The following RYR1 variants were observed in gnomAD, a reference collection of about 807,000 sequenced individuals.
RYR1 encodes the protein ryanodine receptor 1, also known as central core disease of muscle.
In RYR1, 342 loss-of-function variants were observed where a neutral mutation model predicts 583.5. The observed-to-expected ratio is 0.59, with a 90% CI of 0.54 to 0.64. The LOEUF (loss-of-function observed/expected upper bound fraction) is 0.64, where lower values mean the gene tolerates loss of function less well. Among genes scored for constraint, RYR1 ranks in the 30% least tolerant of loss-of-function variants. RYR1 has a pLI of 0.00. For missense variants in RYR1, 6,032 were observed against 6,917.2 expected, an observed-to-expected ratio of 0.87 and a Z score of 4.54; for synonymous variants, 2,791 against 2,822.5, an observed-to-expected ratio of 0.99 and a Z score of 0.35.
intron 99 of RYR1, among the ~76,000 whole-genome samples, 196 bp downstream of exon 99, chr19:38,578,400 T>A (rs188183562): frequency 1.4e-3 from 208 of 152,248 alleles, no homozygotes; most frequent in Admixed American, 2.9e-3. Flanking sequence ...TATTTTTTTT[T>A]AAATAGCTGG....
At position 38,446,519 on chromosome 19, in the gene RYR1, G is replaced by T; in HGVS notation, c.679G>T (p.Asp227Tyr). The T allele has an allele frequency of 6.2e-7, 1 of 1,614,200 alleles. No individual in the cohort carries two copies. The highest frequency in any genetic ancestry group is 8.5e-7 in the Non-Finnish European group (1 of 1,180,040). The change falls in exon 8 of 106, where the codon GAT becomes TAT. Residue 227 changes from aspartate to tyrosine, a missense_variant. By Grantham distance (160) the Asp-to-Tyr change is radical. Around this residue, in one of 11 missense-constraint regions of RYR1, gnomAD observed 338 missense variants for 441.6 expected, o/e 0.77. Coordinates refer to ENST00000359596, the MANE Select transcript of RYR1 (RefSeq NM_000540.3). ...HVLRLFHGHM[D>Y]ECLTISPADS... Reference sequence around the variant, plus strand: ...CCTCCGCCTCTTTCATGGACATATGGATGAGTGTCTGACCATTTCCCCTGC... The same window carrying T: ...CCTCCGCCTCTTTCATGGACATATGTATGAGTGTCTGACCATTTCCCCTGC...
chr19:38,508,923 G>T (rs1197417584), intron 58 of RYR1, among the ~76,000 whole-genome samples: 3 of 152,194 alleles, frequency 2.0e-5, no homozygotes, highest in Admixed American at 6.5e-5. Context: ...GCCGAAAAGG[G>T]TGAGAACTGG....
rs976984553 is a variant in RYR1 at position 38,478,248 on chromosome 19, G to C, written c.4455-187G>C. ...ATCCTGACTCCCCACTGCGCCAGCTGCTAGGAATCCCAGCTCCGAAGAGCT... is the reference window on the plus strand; with the variant it reads ...ATCCTGACTCCCCACTGCGCCAGCTCCTAGGAATCCCAGCTCCGAAGAGCT... On this transcript the variant is annotated intron_variant, in intron 30 of 105. Coordinates refer to ENST00000359596, the MANE Select transcript of RYR1 (RefSeq NM_000540.3). Among the ~76,000 whole-genome samples, 3 of 152,004 alleles carry C rather than the reference G, an allele frequency of 2.0e-5. No homozygotes were observed. The South Asian group carries it at 6.2e-4, about 31-fold the overall frequency.
intron 89 of RYR1, among the ~76,000 whole-genome samples, chr19:38,556,164 A>G (rs1972870426): frequency 6.6e-6 from 1 of 151,612 alleles, no homozygotes; most frequent in Non-Finnish European, 1.5e-5. Context: ...ATAATTTTAA[A>G]TTTTCTAATA....
chr19:38,568,131 C>T (rs1374523504), intron 93 of RYR1, among the ~76,000 whole-genome samples: 2 of 152,200 alleles, frequency 1.3e-5, no homozygotes, highest in Admixed American at 6.5e-5. Context: ...CTTCCCTGCT[C>T]ACTATCCTTA....
chr19:38,463,244 C>T (rs1600700994), intron 20 of RYR1, among the ~76,000 whole-genome samples, 179 bp from the exon 21 acceptor site: 1 of 149,500 alleles, frequency 6.7e-6, no homozygotes, highest in Non-Finnish European at 1.5e-5. Flanking sequence ...GCTAAGCCCT[C>T]ACCCATCTGA....
chr19:38,460,311 C>A, intron 19 of RYR1, 64 bp from the exon 20 acceptor site: 1 of 1,451,754 alleles, frequency 6.9e-7, no homozygotes, highest in Non-Finnish European at 9.7e-7. Context: ...CCATGTCCCC[C>A]ACTGACCACA....
chr19:38,493,070 A>G (rs1002183362), intron 38 of RYR1, among the ~76,000 whole-genome samples: 3 of 148,198 alleles, frequency 2.0e-5, no homozygotes, highest in African/African-American at 5.2e-5. Flanking sequence ...CTCTGTCTCA[A>G]AAAAAAAACA....
At position 38,448,637 on chromosome 19, in the gene RYR1, CT is replaced by C. The variant is rs537751969; in HGVS notation, c.958-11del. ...GGCAGAGGAGGCTGACCTGTGTCCC[CT>C]GCCCCTGTAGGAGAAGCTGGATGTG... is the stretch of plus-strand genomic sequence containing the variant. On this transcript the variant is annotated splice_polypyrimidine_tract_variant and intron_variant, in intron 10 of 105. Coordinates refer to ENST00000359596, the MANE Select transcript of RYR1 (RefSeq NM_000540.3). 1.2e-3 allele frequency: 1,936 copies of C among 1,614,236 alleles called. 31 individuals are homozygous for C. The highest frequency in any genetic ancestry group is 1.4e-4 in the Non-Finnish European group (169 of 1,180,040).
In RYR1 at chr19:38,490,157, G is replaced by C; in HGVS notation, c.5896G>C (p.Val1966Leu). The C allele has an allele frequency of 6.2e-7, 1 of 1,614,262 alleles. No homozygotes were observed. Among genetic ancestry groups the C allele is most frequent in the South Asian group, 1.1e-5 (1 of 91,092 alleles). Reference sequence around the variant, plus strand: ...CCTGGCAGCCTTTGCGGAGCGCTATGTGGACAAGCTCCAGGCCAACCAGCG... The same window carrying C: ...CCTGGCAGCCTTTGCGGAGCGCTATCTGGACAAGCTCCAGGCCAACCAGCG... ...ESLAAFAERYVDKLQANQRSR... is the reference protein window; with the variant it reads ...ESLAAFAERYLDKLQANQRSR... Residue 1966 changes from valine to leucine, a missense_variant, in exon 36 of 106, where the codon GTG (valine) becomes CTG (leucine). Physicochemically the swap from Val to Leu is conservative, Grantham distance 32. Around this residue, in one of 11 missense-constraint regions of RYR1, gnomAD observed 2,627 missense variants for 2,961.3 expected, o/e 0.89. Coordinates refer to ENST00000359596, the MANE Select transcript of RYR1 (RefSeq NM_000540.3).
At chr19:38,529,179 A>T in intron 76 of RYR1, 122 bp downstream of exon 76, 1 of 921,014 alleles carries the variant, frequency 1.1e-6, no homozygotes, top group Non-Finnish European at 1.8e-6. Flanking sequence ...AGACAGACGG[A>T]TCTTTAAATA....
intron 20 of RYR1, 136 bp downstream of exon 20, chr19:38,460,727 C>A (rs1425451213): frequency 1.2e-6 from 1 of 848,360 alleles, no homozygotes. Flanking sequence ...CCTGTAAGCC[C>A]AGCAATTTGG....
chr19:38,438,308 C>T (rs538007924), intron 1 of RYR1, among the ~76,000 whole-genome samples: 78 of 152,106 alleles, frequency 5.1e-4, no homozygotes, highest in Middle Eastern at 3.4e-3. Context: ...ACACCTATCA[C>T]TGACATTAAC....
intron 99 of RYR1, among the ~76,000 whole-genome samples, chr19:38,579,364 G>A (rs375074671): frequency 6.7e-6 from 1 of 149,948 alleles, no homozygotes; most frequent in Non-Finnish European, 1.5e-5. Flanking sequence ...GGCGGAGGTT[G>A]CAGTGAGCTG....
At chr19:38,582,052 A>G (rs1974238509) in intron 101 of RYR1, among the ~76,000 whole-genome samples, 1 of 152,088 alleles carries the variant, frequency 6.6e-6, no homozygotes, top group Non-Finnish European at 1.5e-5. Flanking sequence ...AGTGTGTAAT[A>G]GTAGTTGCTT....
rs374620604 is a variant in RYR1, at chr19:38,455,422, A to G, written c.1577-29A>G. 5.7e-5 allele frequency: 92 copies of G among 1,613,586 alleles called. No individual in the cohort carries two copies. In the African/African-American group the frequency reaches 7.3e-4, roughly 13 times the overall value. On this transcript the variant is annotated intron_variant, in intron 14 of 105. Transcript: ENST00000359596. ...GAGAACACCCCAGATCCCCAGTCCTATTGGATCTGACACCTCTTCCCCCCT... is the reference window on the plus strand; with the variant it reads ...GAGAACACCCCAGATCCCCAGTCCTGTTGGATCTGACACCTCTTCCCCCCT...
rs753048280 is a variant in RYR1, at chr19:38,532,533, A to AT, written c.11186dup (p.Met3729IlefsTer15). The AT allele has an allele frequency of 6.2e-7, 1 of 1,614,130 alleles. No individual in the cohort carries two copies. On this transcript the variant is annotated frameshift_variant, in exon 77 of 106. Transcript: ENST00000359596. LOFTEE classifies it high-confidence loss of function. ...CCTGTACATGGCCTATGCTGATATC[A>AT]TGGCAAAGGTGAGGCCCTACCCCCC...
At chr19:38,558,693 C>T (rs922894103) in intron 89 of RYR1, among the ~76,000 whole-genome samples, 10 of 152,250 alleles carry the variant, frequency 6.6e-5, no homozygotes, top group East Asian at 3.9e-4. Context: ...GCAGGAGAAT[C>T]GCTTGAACCC....
rs74509451 is a variant in RYR1, at chr19:38,564,010, T to C, written c.12625-949T>C. On this transcript the variant is annotated intron_variant, in intron 90 of 105. Coordinates refer to ENST00000359596, the MANE Select transcript of RYR1 (RefSeq NM_000540.3). ...ACTGCTTGTATGGGGCCTGGCCTTATTGAAGCATTTACAGGAGTACCCACA... is the reference window on the plus strand; with the variant it reads ...ACTGCTTGTATGGGGCCTGGCCTTACTGAAGCATTTACAGGAGTACCCACA... Among the ~76,000 whole-genome samples the C allele has an allele frequency of 4.7e-3, 715 of 152,360 alleles. 7 individuals carry two copies. Among genetic ancestry groups the C allele is most frequent in the African/African-American group, 0.016 (663 of 41,588 alleles).
Sources: allele counts gnomAD v4.1 joint callset (sites outside exome capture counted in the v4.1 genomes callset), GRCh38; gene constraint gnomAD v4.1.1; regional missense constraint gnomAD v4.1.1; transcripts MANE v1.5; gene names NCBI Gene and HGNC (gene_info 2026-07-23, HGNC 2026-07-21).